The following TRAPPC9 variants were observed in gnomAD, a reference collection of about 807,000 sequenced individuals.
TRAPPC9 encodes the protein IKK2 binding protein.
A neutral mutation model predicts 124.0 loss-of-function variants in TRAPPC9; 83 were observed. That is an observed-to-expected ratio of 0.67 (90% CI 0.56 to 0.80). The LOEUF (loss-of-function observed/expected upper bound fraction) is 0.80, where lower values mean the gene tolerates loss of function less well. Ranked by LOEUF, TRAPPC9 falls within the 30% of genes least tolerant of loss-of-function variation. The probability of loss-of-function intolerance (pLI) is 0.00; values close to 1 mark genes in which losing one functional copy is unlikely to be tolerated. For synonymous variants in TRAPPC9, 638 were observed against 617.5 expected, an observed-to-expected ratio of 1.03 and a Z score of -0.49; for missense variants, 1,302 against 1,508.3, an observed-to-expected ratio of 0.86 and a Z score of 2.27.
At chr8:139,762,876 C>T (rs1426462784) in intron 21 of TRAPPC9, among the ~76,000 whole-genome samples, 5 of 152,168 alleles carry the variant, frequency 3.3e-5, no homozygotes, top group Non-Finnish European at 5.9e-5. Flanking sequence ...AACATGAGGA[C>T]CAAGTTCCCA....
intron 21 of TRAPPC9, among the ~76,000 whole-genome samples, chr8:139,847,685 TC>T (rs1827179383): frequency 8.0e-6 from 1 of 125,474 alleles, no homozygotes; most frequent in Non-Finnish European, 1.7e-5. Flanking sequence ...GCACCTGCCT[TC>T]CCGACGGCCC....
Position 140,457,707 on chromosome 8 carries a change from G to A in TRAPPC9, c.-79C>T. The A allele has an allele frequency of 3.0e-6, 3 of 988,428 alleles. No individual in the cohort carries two copies. The highest frequency in any genetic ancestry group is 3.6e-6 in the Non-Finnish European group (3 of 831,824). 61.2% of individuals were successfully genotyped at this position (988,428 alleles called of 1,614,324 possible). A position where few individuals can be genotyped will look rare whatever the true frequency, so the allele number is the denominator to read the frequency against. On this transcript the variant is annotated 5_prime_UTR_variant, in exon 1 of 23. Transcript: ENST00000438773. ...CGGGCAGCGGGGCCGAGCAGCCTCTGCGGCCACTTCCCAGGCTCTGGGCTG... is the reference window on the plus strand; with the variant it reads ...CGGGCAGCGGGGCCGAGCAGCCTCTACGGCCACTTCCCAGGCTCTGGGCTG...
At chr8:140,203,736 G>A (rs1221258295) in intron 17 of TRAPPC9, among the ~76,000 whole-genome samples, 4 of 152,346 alleles carry the variant, frequency 2.6e-5, no homozygotes, top group African/African-American at 4.8e-5. Context: ...GGACTCAGCC[G>A]AGGCAGTGGC....
chr8:139,771,134 G>T (rs1033580078), intron 21 of TRAPPC9, among the ~76,000 whole-genome samples: 7 of 152,144 alleles, frequency 4.6e-5, no homozygotes, highest in Non-Finnish European at 1.5e-5. Context: ...TTGTGCACCT[G>T]CAGGGCAGGG....
intron 21 of TRAPPC9, among the ~76,000 whole-genome samples, chr8:139,756,960 C>G (rs544571856): frequency 7.9e-6 from 1 of 126,148 alleles, no homozygotes; most frequent in African/African-American, 3.1e-5. Context: ...GACAGCAGGT[C>G]GCAGGAGAAG....
At chr8:140,148,978 C>T (rs1000490759) in intron 17 of TRAPPC9, among the ~76,000 whole-genome samples, 4 of 152,132 alleles carry the variant, frequency 2.6e-5, no homozygotes, top group African/African-American at 9.7e-5. Context: ...GAAGCTAATG[C>T]ATTTGGGGGT....
chr8:140,396,136 GC>G (rs1205516114), intron 7 of TRAPPC9, among the ~76,000 whole-genome samples: 3 of 99,156 alleles, frequency 3.0e-5, no homozygotes, highest in Admixed American at 1.2e-4. Context: ...TTAAGACCTT[GC>G]CTTTTTTTTT....
At chr8:139,923,404 C>T (rs1462854161) in intron 19 of TRAPPC9, among the ~76,000 whole-genome samples, 1 of 152,218 alleles carries the variant, frequency 6.6e-6, no homozygotes, top group African/African-American at 2.4e-5. Flanking sequence ...CATCTGAACA[C>T]ATGGGAGCTG....
chr8:139,850,412 G>T (rs1159028727), intron 21 of TRAPPC9, among the ~76,000 whole-genome samples: 3 of 152,210 alleles, frequency 2.0e-5, no homozygotes, highest in Admixed American at 2.0e-4. Context: ...GCCCCTCATG[G>T]GGCAGGAGCT....
intron 11 of TRAPPC9, among the ~76,000 whole-genome samples, chr8:140,295,991 C>T (rs556529231): frequency 6.6e-6 from 1 of 152,196 alleles, no homozygotes; most frequent in African/African-American, 2.4e-5. Flanking sequence ...GTACTTCTTA[C>T]TATGGTGAGA....
intron 21 of TRAPPC9, among the ~76,000 whole-genome samples, chr8:139,845,503 C>G (rs541075043): frequency 3.2e-4 from 48 of 152,356 alleles, no homozygotes; most frequent in African/African-American, 1.1e-3. Context: ...GCCCGTACTT[C>G]CAGGCTTCCC....
rs181873791 is a variant in TRAPPC9 at position 139,773,685 on chromosome 8, C to T, written c.3056-41483G>A. ...CTGCCTCAAAGTCCCTCACCACCCG[C>T]TCACTCCAGCCGGCAGCAAAACCAC... On this transcript the variant is annotated intron_variant, in intron 21 of 22. Coordinates refer to ENST00000438773, the MANE Select transcript of TRAPPC9 (RefSeq NM_001160372.4). 2.2e-3 allele frequency among the ~76,000 whole-genome samples: 329 copies of T among 152,312 alleles called. 2 individuals carry two copies. The highest frequency in any genetic ancestry group is 6.8e-3 in the African/African-American group (284 of 41,564).
At chr8:140,169,501 G>T (rs1294816396) in intron 17 of TRAPPC9, among the ~76,000 whole-genome samples, 1 of 152,228 alleles carries the variant, frequency 6.6e-6, no homozygotes, top group South Asian at 2.1e-4. Flanking sequence ...GTAACCCGAA[G>T]GTGGAAACAG....
intron 19 of TRAPPC9, among the ~76,000 whole-genome samples, chr8:139,969,221 G>C (rs1256086808): frequency 2.6e-5 from 4 of 152,228 alleles, no homozygotes; most frequent in Non-Finnish European, 5.9e-5. Context: ...ATGAGACAGA[G>C]GGCATCATGT....
intron 20 of TRAPPC9, among the ~76,000 whole-genome samples, chr8:139,893,632 G>A (rs1416879175): frequency 1.3e-5 from 2 of 152,228 alleles, no homozygotes; most frequent in Non-Finnish European, 2.9e-5. Context: ...ATGAATGTAG[G>A]CATAAAGAAA....
intron 17 of TRAPPC9, among the ~76,000 whole-genome samples, chr8:140,133,682 A>T (rs925294334): frequency 1.4e-4 from 21 of 152,250 alleles, no homozygotes; most frequent in Admixed American, 1.3e-4. Context: ...CAAGAAAGCT[A>T]CTAGAGCTAA....
intron 19 of TRAPPC9, among the ~76,000 whole-genome samples, chr8:139,973,749 G>A (rs1472527078): frequency 6.6e-6 from 1 of 152,124 alleles, no homozygotes; most frequent in Non-Finnish European, 1.5e-5. Context: ...TTCCCCACAT[G>A]CAGGACCCTC....
chr8:139,855,598 G>A (rs1827749513), intron 21 of TRAPPC9, among the ~76,000 whole-genome samples: 1 of 152,230 alleles, frequency 6.6e-6, no homozygotes, highest in Non-Finnish European at 1.5e-5. Context: ...AGGTGAGGGA[G>A]TGGGAAGTCC....
At chr8:139,885,992 G>A (rs1330423754) in intron 20 of TRAPPC9, 23 bp from the exon 21 acceptor site, 8 of 1,553,008 alleles carry the variant, frequency 5.2e-6, no homozygotes, top group East Asian at 2.4e-5. Flanking sequence ...CAAGGAAAAC[G>A]CAACTCCTGC....
Sources: allele counts gnomAD v4.1 joint callset (sites outside exome capture counted in the v4.1 genomes callset), GRCh38; gene constraint gnomAD v4.1.1; transcripts MANE v1.5; gene names NCBI Gene and HGNC (gene_info 2026-07-23, HGNC 2026-07-21).